Variants in PLCB1 observed in about 807,000 individuals in gnomAD.
The protein encoded by PLCB1 is 1-phosphatidylinositol 4,5-bisphosphate phosphodiesterase beta-1.
In PLCB1, 46 loss-of-function variants were observed where a neutral mutation model predicts 161.8. That is an observed-to-expected ratio of 0.28 (90% CI 0.22 to 0.36). The LOEUF is 0.36. PLCB1 is among the 10% of genes least tolerant of loss of function. The pLI is 1.00. For synonymous variants in PLCB1, 517 were observed against 503.7 expected (o/e 1.03, Z -0.35); for missense variants, 1,016 against 1,472.5 (o/e 0.69, Z 5.07).
intron 31 of PLCB1, among the ~76,000 whole-genome samples, chr20:8,834,512 A>G (rs1986183507): frequency 1.3e-5 from 2 of 152,124 alleles, no homozygotes; most frequent in Admixed American, 1.3e-4. Context: ...TCCCAGTTTG[A>G]GTTCAAAAGC....
At chr20:8,568,898 T>A (rs1262012761) in intron 3 of PLCB1, among the ~76,000 whole-genome samples, 1 of 152,096 alleles carries the variant, frequency 6.6e-6, no homozygotes, top group Admixed American at 6.6e-5. Context: ...AGGCAGCCAA[T>A]ATGGTGTGAG....
intron 3 of PLCB1, among the ~76,000 whole-genome samples, chr20:8,461,292 G>T (rs1325221717): frequency 1.3e-5 from 2 of 151,998 alleles, no homozygotes; most frequent in Non-Finnish European, 2.9e-5. Flanking sequence ...CAGTTTTGGG[G>T]GCAGACTCAT....
At chr20:8,672,845 C>G (rs1483134334) in intron 9 of PLCB1, among the ~76,000 whole-genome samples, 1 of 152,230 alleles carries the variant, frequency 6.6e-6, no homozygotes, top group African/African-American at 2.4e-5. Context: ...GGCACGGTGG[C>G]TCACATCTGT....
intron 2 of PLCB1, among the ~76,000 whole-genome samples, chr20:8,205,833 C>T (rs78078105): frequency 0.011 from 1,735 of 152,010 alleles, 18 homozygotes; most frequent in Non-Finnish European, 0.019. Context: ...AGGATGACCA[C>T]GAATGAATGG....
At chr20:8,254,221 T>G (rs1452969553) in intron 2 of PLCB1, among the ~76,000 whole-genome samples, 1 of 151,972 alleles carries the variant, frequency 6.6e-6, no homozygotes, top group Non-Finnish European at 1.5e-5. Flanking sequence ...TCTAGTAGAC[T>G]TTTCCAGAAC....
intron 3 of PLCB1, among the ~76,000 whole-genome samples, chr20:8,561,214 A>G (rs550125937): frequency 6.6e-6 from 1 of 152,022 alleles, no homozygotes; most frequent in African/African-American, 2.4e-5. Flanking sequence ...GTGGTTCAAC[A>G]TTTTGTGGTG....
chr20:8,401,144 G>A lies in PLCB1; in HGVS notation c.246+29694G>A, dbSNP rs533872326. On this transcript the variant is annotated intron_variant, in intron 3 of 31. Transcript: ENST00000338037. The stretch of plus-strand genomic sequence containing the variant: ...AATTTGAATTTCTTCTACTGTGAGT[G>A]GAGAGGAAACTTTTCATATTGTGTT... Among the ~76,000 whole-genome samples, 118 of 124,256 alleles carry A rather than the reference G, an allele frequency of 9.5e-4. 1 individual carries two copies. Among genetic ancestry groups the A allele is most frequent in the Non-Finnish European group, 1.5e-3 (90 of 61,126 alleles). The allele number at this position is 124,256 out of a possible 152,430, so 81.5% of individuals were successfully genotyped here. A position where few individuals can be genotyped will look rare whatever the true frequency, so the allele number is the denominator to read the frequency against.
At chr20:8,858,134 G>A (rs186651852) in intron 31 of PLCB1, among the ~76,000 whole-genome samples, 4 of 152,036 alleles carry the variant, frequency 2.6e-5, no homozygotes, top group Admixed American at 1.3e-4. Context: ...GGCCTATTTA[G>A]CCAATCCTTA....
chr20:8,357,094 T>G (rs1986386186), intron 2 of PLCB1, among the ~76,000 whole-genome samples: 1 of 152,242 alleles, frequency 6.6e-6, no homozygotes, highest in Admixed American at 6.5e-5. Context: ...AAACCTATGT[T>G]AAGGATTTAT....
intron 3 of PLCB1, among the ~76,000 whole-genome samples, chr20:8,406,493 G>C (rs1186105126): frequency 6.6e-6 from 1 of 152,158 alleles, no homozygotes; most frequent in African/African-American, 2.4e-5. Flanking sequence ...ATTGTGAATT[G>C]AAAAGCAACA....
At chr20:8,461,839 T>C (rs962886403) in intron 3 of PLCB1, among the ~76,000 whole-genome samples, 1 of 152,192 alleles carries the variant, frequency 6.6e-6, no homozygotes, top group Non-Finnish European at 1.5e-5. Flanking sequence ...TTTGATTTAA[T>C]TCCCTCATAA....
chr20:8,785,192 A>G (rs1272176282), intron 27 of PLCB1, among the ~76,000 whole-genome samples: 4 of 152,172 alleles, frequency 2.6e-5, no homozygotes, highest in Non-Finnish European at 5.9e-5. Context: ...GCAGAGAGAA[A>G]TTGAAATGGT....
At chr20:8,809,025 T>G (rs961221223) in intron 31 of PLCB1, among the ~76,000 whole-genome samples, 1 of 152,188 alleles carries the variant, frequency 6.6e-6, no homozygotes, top group Non-Finnish European at 1.5e-5. Flanking sequence ...TAAGACAGGG[T>G]CTCACTGTGT....
At chr20:8,844,616 C>T (rs190871450) in intron 31 of PLCB1, among the ~76,000 whole-genome samples, 6 of 152,140 alleles carry the variant, frequency 3.9e-5, no homozygotes, top group Admixed American at 3.3e-4. Context: ...GTGTGGTGCC[C>T]TCTTCTTTCC....
intron 2 of PLCB1, among the ~76,000 whole-genome samples, chr20:8,222,192 C>T (rs894875822): frequency 2.0e-5 from 3 of 152,122 alleles, no homozygotes; most frequent in Admixed American, 6.6e-5. Flanking sequence ...ATATTTACCA[C>T]GATCAGTGCT....
chr20:8,144,118 T>C (rs1205234898), intron 1 of PLCB1, among the ~76,000 whole-genome samples: 1 of 152,218 alleles, frequency 6.6e-6, no homozygotes, highest in Non-Finnish European at 1.5e-5. Flanking sequence ...GCCAGTTCAC[T>C]GCCCTCCCCG....
intron 3 of PLCB1, among the ~76,000 whole-genome samples, chr20:8,591,067 T>C (rs908751865): frequency 4.6e-5 from 7 of 152,210 alleles, no homozygotes; most frequent in South Asian, 4.2e-4. Flanking sequence ...AGCGAGAACA[T>C]GAGGCGTTTG....
chr20:8,818,566 G>A (rs1985184517), intron 31 of PLCB1, among the ~76,000 whole-genome samples: 1 of 152,154 alleles, frequency 6.6e-6, no homozygotes, highest in Non-Finnish European at 1.5e-5. Context: ...TAGCAAATAT[G>A]CTGAATATAA....
At chr20:8,371,154 CCA>C (rs1986891229) in intron 2 of PLCB1, 1 of 495,168 alleles carries the variant, frequency 2.0e-6, no homozygotes, top group Non-Finnish European at 3.6e-6. Context: ...GGGGACATAA[CCA>C]CACACTTTTT....
Sources: gnomAD v4.1 joint callset for allele counts (sites outside exome capture counted in the v4.1 genomes callset) on GRCh38, gnomAD v4.1.1 for gene constraint, MANE v1.5 for transcripts, NCBI Gene and HGNC (gene_info 2026-07-23, HGNC 2026-07-21) for gene names.